Variants in RSPO2 observed in about 807,000 individuals in gnomAD.
RSPO2 encodes R-spondin-2.
RSPO2 carries 14 observed loss-of-function variants against 30.9 expected under a neutral mutation model. That is an observed-to-expected ratio of 0.45 (90% CI 0.30 to 0.71). The LOEUF is 0.71. Ranked by LOEUF, RSPO2 falls within the 30% of genes least tolerant of loss-of-function variation. The pLI is 0.08. For synonymous variants in RSPO2, 107 were observed against 96.4 expected, an observed-to-expected ratio of 1.11 and a Z score of -0.64; for missense variants, 264 against 301.9, an observed-to-expected ratio of 0.87 and a Z score of 0.93.
At chr8:108,014,529 T>A (rs1469807342) in intron 2 of RSPO2, among the ~76,000 whole-genome samples, 1 of 151,962 alleles carries the variant, frequency 6.6e-6, no homozygotes, top group African/African-American at 2.4e-5. Flanking sequence ...AAAGGATGAG[T>A]TCATGTCCTT....
At chr8:107,953,242 A>G (rs1813312437) in intron 5 of RSPO2, among the ~76,000 whole-genome samples, 3 of 152,182 alleles carry the variant, frequency 2.0e-5, no homozygotes, top group Non-Finnish European at 1.5e-5. Flanking sequence ...GTCAAAGATG[A>G]ATGTTGGATG....
chr8:107,943,223 G>GCA, intron 5 of RSPO2, among the ~76,000 whole-genome samples: 1 of 152,104 alleles, frequency 6.6e-6, no homozygotes, highest in Non-Finnish European at 1.5e-5. Flanking sequence ...GCGTGCGCGC[G>GCA]CACACACAGA....
At chr8:108,007,707 T>C (rs6469153) in intron 2 of RSPO2, among the ~76,000 whole-genome samples, 56,207 of 151,884 alleles carry the variant, frequency 0.37, 11,391 homozygotes, top group African/African-American at 0.52. Flanking sequence ...CCAAGAACAA[T>C]GTATTTCAAA....
intron 5 of RSPO2, among the ~76,000 whole-genome samples, chr8:107,948,337 G>A (rs570871140): frequency 6.6e-6 from 1 of 152,200 alleles, no homozygotes; most frequent in East Asian, 1.9e-4. Flanking sequence ...CTCCAACACT[G>A]GATTATCTTG....
chr8:108,055,868 G>A lies in RSPO2; in HGVS notation c.94+26677C>T, dbSNP rs1025831922. On this transcript the variant is annotated intron_variant, in intron 2 of 5. Coordinates refer to ENST00000276659, the MANE Select transcript of RSPO2 (RefSeq NM_178565.5). ...AGAATTATAATTAGTACAATATCCT[G>A]GAGAACAACTGGCAGTGAGATTGAC... Among the ~76,000 whole-genome samples, 3 of 152,102 alleles carry A rather than the reference G, an allele frequency of 2.0e-5. No individual in the cohort carries two copies. In the South Asian group the frequency reaches 6.2e-4, roughly 32 times the overall value.
At chr8:107,975,458 G>A (rs929967854) in intron 3 of RSPO2, among the ~76,000 whole-genome samples, 3 of 152,052 alleles carry the variant, frequency 2.0e-5, no homozygotes, top group Non-Finnish European at 4.4e-5. Flanking sequence ...ACTTCTCTAC[G>A]CCTCAGTTCA....
intron 2 of RSPO2, among the ~76,000 whole-genome samples, chr8:108,031,614 A>G (rs1276034426): frequency 6.6e-6 from 1 of 152,236 alleles, no homozygotes; most frequent in East Asian, 1.9e-4. Flanking sequence ...AACTTCATAC[A>G]CTGAACATTT....
Position 107,924,840 on chromosome 8 carries a change from A to T in RSPO2, c.617-23650T>A, listed in dbSNP as rs1391522663. 3.3e-5 allele frequency among the ~76,000 whole-genome samples: 5 copies of T among 151,952 alleles called. No individual in the cohort carries two copies. The East Asian group carries it at 9.8e-4, about 30-fold the overall frequency. On this transcript the variant is annotated intron_variant, in intron 5 of 5. Coordinates refer to ENST00000276659, the MANE Select transcript of RSPO2 (RefSeq NM_178565.5). Reference sequence around the variant, plus strand: ...CTAACATGCACACACACACACACACACACACACACAAAATAAGTTCTCAAG... The same window carrying T: ...CTAACATGCACACACACACACACACTCACACACACAAAATAAGTTCTCAAG...
At chr8:108,056,623 CAAAAAAA>C (rs56256415) in intron 2 of RSPO2, among the ~76,000 whole-genome samples, 37 of 71,838 alleles carry the variant, frequency 5.2e-4, no homozygotes, top group Admixed American at 2.5e-3. Flanking sequence ...AGACCCGTCT[CAAAAAAA>C]AAAAAAAAAA....
chr8:107,908,909 A>G (rs1811735839), intron 5 of RSPO2, among the ~76,000 whole-genome samples: 1 of 152,170 alleles, frequency 6.6e-6, no homozygotes, highest in South Asian at 2.1e-4. Flanking sequence ...TGGATTCCTT[A>G]TTTATAAGAA....
chr8:107,913,762 T>C (rs1055318594), intron 5 of RSPO2, among the ~76,000 whole-genome samples: 1 of 152,140 alleles, frequency 6.6e-6, no homozygotes, highest in African/African-American at 2.4e-5. Flanking sequence ...TGAGTTCATG[T>C]CTCCTCAACT....
chr8:107,907,951 G>A (rs1305623276), intron 5 of RSPO2, among the ~76,000 whole-genome samples: 1 of 151,844 alleles, frequency 6.6e-6, no homozygotes, highest in African/African-American at 2.4e-5. Context: ...AGTCCTATTT[G>A]GTTTTAAAAT....
At chr8:107,963,491 T>C (rs1813696473) in intron 3 of RSPO2, among the ~76,000 whole-genome samples, 1 of 121,326 alleles carries the variant, frequency 8.2e-6, no homozygotes, top group South Asian at 2.6e-4. Flanking sequence ...ACCACTGCAC[T>C]CTAGCTTAGG....
chr8:108,029,509 C>T (rs1318365292), intron 2 of RSPO2, among the ~76,000 whole-genome samples: 1 of 152,152 alleles, frequency 6.6e-6, no homozygotes, highest in African/African-American at 2.4e-5. Flanking sequence ...CTCATATATT[C>T]CACACCTAGA....
intron 3 of RSPO2, among the ~76,000 whole-genome samples, chr8:107,987,260 C>A (rs1401543790): frequency 2.0e-5 from 3 of 152,212 alleles, no homozygotes; most frequent in Non-Finnish European, 4.4e-5. Context: ...AATCTGCAAT[C>A]ATTATAATAG....
chr8:108,040,727 C>T (rs533791719), intron 2 of RSPO2, among the ~76,000 whole-genome samples: 8 of 152,162 alleles, frequency 5.3e-5, no homozygotes, highest in South Asian at 4.2e-4. Flanking sequence ...AAATTAGTTA[C>T]GAGACTTTTG....
chr8:108,033,416 C>T (rs967221053), intron 2 of RSPO2, among the ~76,000 whole-genome samples: 10 of 152,184 alleles, frequency 6.6e-5, no homozygotes, highest in African/African-American at 2.4e-4. Context: ...ATTCTACCTT[C>T]CTCCCCTCTA....
intron 5 of RSPO2, among the ~76,000 whole-genome samples, chr8:107,923,980 A>G (rs575246427): frequency 6.6e-6 from 1 of 152,096 alleles, no homozygotes; most frequent in East Asian, 1.9e-4. Flanking sequence ...AGGAAAAATA[A>G]CTAATGGGTA....
intron 5 of RSPO2, among the ~76,000 whole-genome samples, chr8:107,953,129 T>G (rs991888857): frequency 6.6e-6 from 1 of 152,094 alleles, no homozygotes; most frequent in African/African-American, 2.4e-5. Flanking sequence ...AGTCCGATAG[T>G]TGAAATGTGT....
Sources: gnomAD v4.1 joint callset for allele counts (sites outside exome capture counted in the v4.1 genomes callset) on GRCh38, gnomAD v4.1.1 for gene constraint, MANE v1.5 for transcripts, NCBI Gene and HGNC (gene_info 2026-07-23, HGNC 2026-07-21) for gene names.